Variants in ITGBL1 observed in about 807,000 individuals in gnomAD.
ITGBL1 encodes integrin subunit beta like 1, also known as integrin beta-like protein 1.
A neutral mutation model predicts 68.5 loss-of-function variants in ITGBL1; 51 were observed. The observed-to-expected ratio is 0.74, with a 90% CI of 0.59 to 0.94. The LOEUF (loss-of-function observed/expected upper bound fraction) is 0.94, where lower values mean the gene tolerates loss of function less well. Among genes scored for constraint, ITGBL1 ranks in the 40% least tolerant of loss-of-function variants. The pLI, the probability that ITGBL1 is intolerant of heterozygous loss-of-function variation, is 0.00. For synonymous variants in ITGBL1, 209 were observed against 227.3 expected (o/e 0.92, Z 0.72); for missense variants, 649 against 647.4 (o/e 1.00, Z -0.03).
chr13:101,511,621 A>G (rs2049117153), intron 2 of ITGBL1, among the ~76,000 whole-genome samples: 3 of 152,152 alleles, frequency 2.0e-5, no homozygotes, highest in African/African-American at 4.8e-5. Flanking sequence ...GCTTCAAAGC[A>G]GCAGAGACTC....
intron 2 of ITGBL1, among the ~76,000 whole-genome samples, chr13:101,558,083 CAAAAAAAAAAAAAAAAAAAA>C (rs568103738): frequency 4.7e-4 from 34 of 71,676 alleles, no homozygotes; most frequent in East Asian, 1.3e-3. Context: ...AACTCCGTCT[CAAAAAAAAAAAAAAAAAAAA>C]AAAAAAAAAA....
At chr13:101,488,786 A>G (rs146234866) in intron 2 of ITGBL1, among the ~76,000 whole-genome samples, 10 of 152,324 alleles carry the variant, frequency 6.6e-5, no homozygotes, top group African/African-American at 2.4e-4. Flanking sequence ...GATTAGACTC[A>G]TTAAAGATTA....
At position 101,543,851 on chromosome 13, in the gene ITGBL1, C is replaced by A. The variant is rs1408592262; in HGVS notation, c.317-23848C>A. 5.3e-5 allele frequency among the ~76,000 whole-genome samples: 8 copies of A among 152,362 alleles called. No individual in the cohort carries two copies. In the East Asian group the frequency reaches 1.5e-3, roughly 29 times the overall value. ...TTCTTCCAGTTGATCAAATCGGCTACTGAGGCTTGTGCATTTGTCACGTAG... is the reference window on the plus strand; with the variant it reads ...TTCTTCCAGTTGATCAAATCGGCTAATGAGGCTTGTGCATTTGTCACGTAG... On this transcript the variant is annotated intron_variant, in intron 2 of 10. Transcript: ENST00000376180.
chr13:101,505,453 C>T (rs184837146), intron 2 of ITGBL1, among the ~76,000 whole-genome samples: 3 of 152,168 alleles, frequency 2.0e-5, no homozygotes, highest in Admixed American at 6.5e-5. Context: ...TGTTTATTTG[C>T]CCTGGGGACC....
At chr13:101,572,685 C>T (rs940909801) in intron 3 of ITGBL1, among the ~76,000 whole-genome samples, 9 of 152,040 alleles carry the variant, frequency 5.9e-5, no homozygotes, top group African/African-American at 2.2e-4. Flanking sequence ...ATGGGTGAGA[C>T]AGGAAGTCTC....
intron 2 of ITGBL1, among the ~76,000 whole-genome samples, chr13:101,562,567 A>C (rs1230276030): frequency 6.6e-6 from 1 of 152,038 alleles, no homozygotes; most frequent in Non-Finnish European, 1.5e-5. Context: ...GACAAGAAAT[A>C]ATATCAAGGA....
chr13:101,558,696 C>T (rs774823300), intron 2 of ITGBL1, among the ~76,000 whole-genome samples: 34 of 152,046 alleles, frequency 2.2e-4, no homozygotes, highest in Non-Finnish European at 3.4e-4. Context: ...AAGATAATTC[C>T]GATACCCTCT....
At chr13:101,650,876 C>T (rs2032729078) in intron 7 of ITGBL1, among the ~76,000 whole-genome samples, 1 of 152,160 alleles carries the variant, frequency 6.6e-6, no homozygotes, top group African/African-American at 2.4e-5. Flanking sequence ...TGTTAAGCTC[C>T]TACTTATAAG....
chr13:101,622,130 G>C (rs561785991), intron 7 of ITGBL1, among the ~76,000 whole-genome samples: 15 of 152,258 alleles, frequency 9.9e-5, no homozygotes, highest in African/African-American at 3.6e-4. Flanking sequence ...CCATCTATGT[G>C]ATTAAACTTT....
At chr13:101,554,109 T>A (rs1005227818) in intron 2 of ITGBL1, among the ~76,000 whole-genome samples, 1 of 152,166 alleles carries the variant, frequency 6.6e-6, no homozygotes, top group African/African-American at 2.4e-5. Context: ...ATAACAGTCA[T>A]ATCAGATTAA....
In ITGBL1 at chr13:101,583,376, CT is replaced by C. The variant is rs1370909930; in HGVS notation, c.868+21del. 1 of 1,431,464 alleles carries C rather than the reference CT, an allele frequency of 7.0e-7. No homozygotes were observed. Among genetic ancestry groups the C allele is most frequent in the Non-Finnish European group, 9.2e-7 (1 of 1,088,234 alleles). The allele number at this position is 1,431,464 out of a possible 1,614,324, so 88.7% of individuals were successfully genotyped here. On this transcript the variant is annotated intron_variant, in intron 6 of 10. Transcript: ENST00000376180. ...GTTCAGGTAAGGGCTCTTCCAATTC[CT>C]GTTTTTCTGGAGGGGGAGGTGGGGC...
intron 2 of ITGBL1, among the ~76,000 whole-genome samples, chr13:101,517,078 C>T (rs1240042289): frequency 6.6e-6 from 1 of 152,154 alleles, no homozygotes; most frequent in Admixed American, 6.6e-5. Context: ...CTTTTCTCTT[C>T]ACTGATTCTG....
chr13:101,588,754 G>A (rs2050601863), intron 6 of ITGBL1, among the ~76,000 whole-genome samples: 1 of 149,620 alleles, frequency 6.7e-6, no homozygotes. Context: ...ATGCTAAATA[G>A]ATACCATTAT....
chr13:101,688,321 A>G (rs2033804581), intron 7 of ITGBL1, among the ~76,000 whole-genome samples: 1 of 152,148 alleles, frequency 6.6e-6, no homozygotes, highest in Non-Finnish European at 1.5e-5. Flanking sequence ...CAGAAAGGTG[A>G]CAATTCTTCC....
chr13:101,704,552 G>T (rs1217207342), intron 8 of ITGBL1, among the ~76,000 whole-genome samples: 1 of 149,298 alleles, frequency 6.7e-6, no homozygotes, highest in African/African-American at 2.5e-5. Flanking sequence ...GAGGCCAAGA[G>T]AATTTTGTGG....
intron 2 of ITGBL1, among the ~76,000 whole-genome samples, chr13:101,505,527 A>T (rs1056161345): frequency 2.6e-4 from 39 of 152,168 alleles, no homozygotes; most frequent in African/African-American, 8.9e-4. Context: ...TAAAACATTC[A>T]TTATCTTATT....
At chr13:101,488,715 C>CA (rs2048734706) in intron 2 of ITGBL1, among the ~76,000 whole-genome samples, 1 of 152,128 alleles carries the variant, frequency 6.6e-6, no homozygotes, top group African/African-American at 2.4e-5. Context: ...TATGTTCTGA[C>CA]AACAGCAATA....
At chr13:101,514,199 T>C (rs1456805266) in intron 2 of ITGBL1, among the ~76,000 whole-genome samples, 4 of 152,078 alleles carry the variant, frequency 2.6e-5, no homozygotes, top group Non-Finnish European at 5.9e-5. Flanking sequence ...AGAAGTGTGT[T>C]GGCTGGTGTA....
At position 101,605,319 on chromosome 13, in the gene ITGBL1, C is replaced by A. The variant is rs905810463; in HGVS notation, c.1015+7020C>A. Among the ~76,000 whole-genome samples the A allele has an allele frequency of 1.1e-4, 2 of 18,516 alleles. 1 individual carries two copies. Among genetic ancestry groups the A allele is most frequent in the African/African-American group, 3.8e-4 (2 of 5,254 alleles). 12.1% of individuals were successfully genotyped at this position (18,516 alleles called of 152,430 possible). ...ACACATATATAGGCATGTATATATG[C>A]ATATGCGTATATATATATACACATA... On this transcript the variant is annotated intron_variant, in intron 7 of 10. Coordinates refer to ENST00000376180, the MANE Select transcript of ITGBL1 (RefSeq NM_004791.3).
Sources: allele counts gnomAD v4.1 joint callset (sites outside exome capture counted in the v4.1 genomes callset), GRCh38; gene constraint gnomAD v4.1.1; transcripts MANE v1.5; gene names NCBI Gene and HGNC (gene_info 2026-07-23, HGNC 2026-07-21).